FRY: variants seen among roughly 807,000 people sequenced by gnomAD.
FRY encodes the protein protein furry homolog.
FRY carries 128 observed loss-of-function variants against 348.4 expected under a neutral mutation model. The ratio of observed to expected loss-of-function variants is 0.37; its 90% CI spans 0.32 to 0.43. The LOEUF (loss-of-function observed/expected upper bound fraction) is 0.43, where lower values mean the gene tolerates loss of function less well. Among genes scored for constraint, FRY ranks in the 20% least tolerant of loss-of-function variants. The pLI, the probability that FRY is intolerant of heterozygous loss-of-function variation, is 1.00. For synonymous variants in FRY, 1,370 were observed against 1,374.7 expected (o/e 1.00, Z 0.08); for missense variants, 2,736 against 3,695.2 (o/e 0.74, Z 6.73).
At chr13:32,143,144 T>G (rs1880187288) in intron 11 of FRY, among the ~76,000 whole-genome samples, 1 of 152,154 alleles carries the variant, frequency 6.6e-6, no homozygotes, top group Non-Finnish European at 1.5e-5. Flanking sequence ...GCCCCTCATG[T>G]GCTATATTAT....
At chr13:32,132,687 T>A (rs1879443451) in intron 8 of FRY, among the ~76,000 whole-genome samples, 1 of 152,178 alleles carries the variant, frequency 6.6e-6, no homozygotes, top group Non-Finnish European at 1.5e-5. Context: ...CACTCCTAGG[T>A]ATATGCACAA....
intron 7 of FRY, 139 bp downstream of exon 7, chr13:32,125,014 T>G: frequency 1.4e-6 from 1 of 736,114 alleles, no homozygotes; most frequent in Non-Finnish European, 2.5e-6. Context: ...TCTCTGAAAC[T>G]GAATAGAAAG....
At chr13:32,265,664 A>C (rs763972343) in intron 54 of FRY, 48 bp downstream of exon 54, 1 of 1,543,300 alleles carries the variant, frequency 6.5e-7, no homozygotes, top group Non-Finnish European at 8.9e-7. Flanking sequence ...TGCATGGTAC[A>C]TTATATGGCA....
intron 39 of FRY, among the ~76,000 whole-genome samples, chr13:32,226,542 C>A (rs577912973): frequency 6.6e-6 from 1 of 152,340 alleles, no homozygotes; most frequent in East Asian, 1.9e-4. Context: ...TCTGCCATGT[C>A]ACGCCATTCA....
intron 39 of FRY, 142 bp downstream of exon 39, chr13:32,226,116 T>TA: frequency 1.4e-6 from 1 of 698,004 alleles, no homozygotes; most frequent in Non-Finnish European, 2.6e-6. Context: ...GTACAATAAA[T>TA]ACACACCATT....
At chr13:32,137,182 G>A (rs1879774170) in intron 11 of FRY, among the ~76,000 whole-genome samples, 1 of 152,082 alleles carries the variant, frequency 6.6e-6, no homozygotes, top group African/African-American at 2.4e-5. Context: ...TTCAGATTTG[G>A]GAAAAATAAA....
intron 35 of FRY, among the ~76,000 whole-genome samples, chr13:32,215,018 C>G (rs1302714627): frequency 6.6e-6 from 1 of 152,116 alleles, no homozygotes; most frequent in Admixed American, 6.6e-5. Flanking sequence ...CACAAACAAA[C>G]CTTATAGCTT....
intron 8 of FRY, among the ~76,000 whole-genome samples, chr13:32,132,715 GT>G (rs1371782215): frequency 1.3e-5 from 2 of 152,120 alleles, no homozygotes; most frequent in African/African-American, 4.8e-5. Flanking sequence ...GAAAATATAT[GT>G]CCACACAAAA....
chr13:32,216,571 C>A lies in FRY; in HGVS notation c.4683-2178C>A, dbSNP rs138127535. 1.3e-5 allele frequency among the ~76,000 whole-genome samples: 2 copies of A among 152,168 alleles called. 1 individual carries two copies. Among genetic ancestry groups the A allele is most frequent in the South Asian group, 4.1e-4 (2 of 4,828 alleles). On this transcript the variant is annotated intron_variant, in intron 35 of 60. Coordinates refer to ENST00000542859, the MANE Select transcript of FRY (RefSeq NM_023037.3). Reference sequence around the variant, plus strand: ...TTCATGGTAGCTGGAAGTGCTGTGGCGCTCTCCACCCGACGGAAACCTGCA... The same window carrying A: ...TTCATGGTAGCTGGAAGTGCTGTGGAGCTCTCCACCCGACGGAAACCTGCA...
intron 16 of FRY, among the ~76,000 whole-genome samples, chr13:32,157,989 T>G (rs1193324959): frequency 6.6e-6 from 1 of 152,214 alleles, no homozygotes; most frequent in East Asian, 1.9e-4. Flanking sequence ...GACTGTGTTG[T>G]TGGGCTATGA....
chr13:32,285,241 G>A (rs1413528540), intron 58 of FRY, among the ~76,000 whole-genome samples: 1 of 152,114 alleles, frequency 6.6e-6, no homozygotes, highest in Non-Finnish European at 1.5e-5. Flanking sequence ...ACATTAGAAC[G>A]GGACGGTGGG....
intron 4 of FRY, among the ~76,000 whole-genome samples, chr13:32,118,546 A>G (rs1878451153): frequency 6.6e-6 from 1 of 152,148 alleles, no homozygotes; most frequent in Non-Finnish European, 1.5e-5. Context: ...TTTGGGAGAG[A>G]GATTAATAAC....
intron 49 of FRY, among the ~76,000 whole-genome samples, chr13:32,251,444 G>T (rs1887079153): frequency 6.6e-6 from 1 of 152,120 alleles, no homozygotes; most frequent in Non-Finnish European, 1.5e-5. Context: ...AATACTGAAA[G>T]TTTAACATAT....
intron 38 of FRY, among the ~76,000 whole-genome samples, chr13:32,225,562 C>T (rs1296489499): frequency 6.6e-6 from 1 of 152,154 alleles, no homozygotes; most frequent in Non-Finnish European, 1.5e-5. Context: ...ACAGAGAGGT[C>T]AAGAAAAGTT....
intron 55 of FRY, among the ~76,000 whole-genome samples, chr13:32,273,823 C>G (rs1190952273): frequency 6.6e-6 from 1 of 152,154 alleles, no homozygotes; most frequent in African/African-American, 2.4e-5. Context: ...AAGGAAAACT[C>G]AGACTCTGAC....
chr13:32,054,424 C>A (rs375474826), intron 1 of FRY, among the ~76,000 whole-genome samples: 2 of 150,438 alleles, frequency 1.3e-5, no homozygotes, highest in Non-Finnish European at 3.0e-5. Flanking sequence ...AAAACTAGAC[C>A]AAAAAAAAAT....
intron 1 of FRY, among the ~76,000 whole-genome samples, chr13:32,041,247 A>T (rs981414972): frequency 6.9e-6 from 1 of 145,132 alleles, no homozygotes; most frequent in African/African-American, 2.6e-5. Context: ...TAGCTATAGT[A>T]TCACTTGTTC....
intron 1 of FRY, among the ~76,000 whole-genome samples, chr13:32,047,378 G>A (rs1205898504): frequency 1.3e-5 from 2 of 152,118 alleles, no homozygotes; most frequent in African/African-American, 2.4e-5. Context: ...CCACTCCCTA[G>A]AGAGGATATT....
At chr13:32,148,488 C>T (rs1041661429) in intron 13 of FRY, among the ~76,000 whole-genome samples, 1 of 152,212 alleles carries the variant, frequency 6.6e-6, no homozygotes, top group African/African-American at 2.4e-5. Flanking sequence ...TAATATTAAA[C>T]ATAGTTTTTA....
Sources: gnomAD v4.1 joint callset for allele counts (sites outside exome capture counted in the v4.1 genomes callset) on GRCh38, gnomAD v4.1.1 for gene constraint, MANE v1.5 for transcripts, NCBI Gene and HGNC (gene_info 2026-07-23, HGNC 2026-07-21) for gene names.